The following RB1CC1 variants were observed in gnomAD, a reference collection of about 807,000 sequenced individuals.
RB1CC1 encodes RB1 inducible coiled-coil 1, also known as RB1-inducible coiled-coil protein 1.
RB1CC1 carries 46 observed loss-of-function variants against 177.5 expected under a neutral mutation model. The observed-to-expected ratio is 0.26, with a 90% confidence interval of 0.20 to 0.33. The LOEUF is 0.33. Among genes scored for constraint, RB1CC1 ranks in the 10% least tolerant of loss-of-function variants. RB1CC1 has a pLI of 1.00. For synonymous variants in RB1CC1, 666 were observed against 613.6 expected, an observed-to-expected ratio of 1.09 and a Z score of -1.26; for missense variants, 1,703 against 1,816.3, an observed-to-expected ratio of 0.94 and a Z score of 1.13.
rs374907905 is a variant in RB1CC1, at chr8:52,661,519, T to C, written c.1358+16A>G. ...AATTCTAAACATCTTAAAACAGATATAAATGAATCACTTACTTCAGTCTGA... is the reference window on the plus strand; with the variant it reads ...AATTCTAAACATCTTAAAACAGATACAAATGAATCACTTACTTCAGTCTGA... On this transcript the variant is annotated intron_variant, in intron 9 of 23. Coordinates refer to ENST00000025008, the MANE Select transcript of RB1CC1 (RefSeq NM_014781.5). 6 of 1,569,572 alleles carry C rather than the reference T, an allele frequency of 3.8e-6. No individual in the cohort carries two copies. The African/African-American group carries it at 4.1e-5, about 11-fold the overall frequency.
intron 18 of RB1CC1, among the ~76,000 whole-genome samples, chr8:52,637,682 T>A (rs1849256473): frequency 6.6e-6 from 1 of 151,942 alleles, no homozygotes; most frequent in Non-Finnish European, 1.5e-5. Context: ...TTTATTTATT[T>A]ATATATTTAT....
intron 18 of RB1CC1, 76 bp from the exon 19 acceptor site, chr8:52,636,145 T>G: frequency 6.9e-7 from 1 of 1,444,966 alleles, no homozygotes. Flanking sequence ...AATTAAAATA[T>G]TAATACAGAT....
At chr8:52,686,789 C>A (rs1368822248) in intron 2 of RB1CC1, 64 bp downstream of exon 2, 1 of 337,886 alleles carries the variant, frequency 3.0e-6, no homozygotes, top group Admixed American at 4.2e-5. Flanking sequence ...ATTAAGATTT[C>A]CAGAATCATT....
intron 15 of RB1CC1, among the ~76,000 whole-genome samples, chr8:52,648,016 A>T (rs1340840135): frequency 2.6e-5 from 4 of 152,128 alleles, no homozygotes; most frequent in South Asian, 4.1e-4. Flanking sequence ...GGTGTCCTGC[A>T]TCTTTGGATT....
chr8:52,697,465 A>T (rs1439733299), intron 1 of RB1CC1, among the ~76,000 whole-genome samples: 2 of 152,216 alleles, frequency 1.3e-5, no homozygotes, highest in Non-Finnish European at 2.9e-5. Context: ...AGGGTATCGG[A>T]TTATACTAAA....
At chr8:52,628,857 T>C (rs756942431) in intron 21 of RB1CC1, among the ~76,000 whole-genome samples, 3 of 152,220 alleles carry the variant, frequency 2.0e-5, no homozygotes, top group African/African-American at 7.2e-5. Context: ...GTAGATCCTA[T>C]ACCTAATAAA....
rs557297945 is a variant in RB1CC1 at position 52,665,227 on chromosome 8, GAACT to G, written c.1173+2790_1173+2793del. Among the ~76,000 whole-genome samples the G allele has an allele frequency of 1.6e-4, 24 of 152,164 alleles. No homozygotes were observed. The South Asian group carries it at 4.2e-3, about 26-fold the overall frequency. ...ATCTGTATGATCTATAATAGACAAA[GAACT>G]ATCTAGACAATATATGATAAATTCT... On this transcript the variant is annotated intron_variant, in intron 8 of 23. Coordinates refer to ENST00000025008, the MANE Select transcript of RB1CC1 (RefSeq NM_014781.5).
At chr8:52,697,078 T>A (rs1855483326) in intron 1 of RB1CC1, among the ~76,000 whole-genome samples, 1 of 152,156 alleles carries the variant, frequency 6.6e-6, no homozygotes, top group African/African-American at 2.4e-5. Context: ...TAATAGCGAT[T>A]CAACTGGACA....
intron 16 of RB1CC1, among the ~76,000 whole-genome samples, chr8:52,643,555 G>A (rs1413700541): frequency 1.3e-5 from 2 of 152,108 alleles, no homozygotes; most frequent in Admixed American, 6.5e-5. Flanking sequence ...TGGGTGTGGT[G>A]GCACATGCCT....
chr8:52,680,518 A>G (rs1168159045), intron 5 of RB1CC1, among the ~76,000 whole-genome samples: 1 of 151,976 alleles, frequency 6.6e-6, no homozygotes, highest in African/African-American at 2.4e-5. Context: ...AGATTGCAGA[A>G]GTAGAAGAGA....
intron 1 of RB1CC1, among the ~76,000 whole-genome samples, chr8:52,691,237 A>C (rs927798595): frequency 7.2e-5 from 11 of 152,304 alleles, no homozygotes; most frequent in Admixed American, 5.9e-4. Flanking sequence ...AAATCGTTAG[A>C]GTATAGACGA....
At chr8:52,686,363 G>C (rs550686583) in intron 2 of RB1CC1, among the ~76,000 whole-genome samples, 1 of 152,298 alleles carries the variant, frequency 6.6e-6, no homozygotes, top group African/African-American at 2.4e-5. Context: ...GGGCAACACA[G>C]CAACACCCTG....
intron 18 of RB1CC1, among the ~76,000 whole-genome samples, chr8:52,640,776 G>C (rs1849507043): frequency 6.6e-6 from 1 of 151,716 alleles, no homozygotes; most frequent in South Asian, 2.1e-4. Flanking sequence ...TTCTTGATTT[G>C]CTTTTTTGAA....
At chr8:52,627,819 T>C (rs1308316004) in intron 22 of RB1CC1, among the ~76,000 whole-genome samples, 1 of 152,194 alleles carries the variant, frequency 6.6e-6, no homozygotes, top group Non-Finnish European at 1.5e-5. Flanking sequence ...TCTGATCAAC[T>C]GGTCCCTTGT....
Position 52,635,509 on chromosome 8 carries a change from G to A in RB1CC1, c.4392+506C>T, listed in dbSNP as rs186654343. 3.9e-5 allele frequency among the ~76,000 whole-genome samples: 6 copies of A among 152,158 alleles called. No individual in the cohort carries two copies. In the East Asian group the frequency reaches 1.2e-3, roughly 29 times the overall value. ...CTATGAACAATGATCTGCCAAATGT[G>A]TACCAATTTGATCTTATAGTACCCT... is the stretch of plus-strand genomic sequence containing the variant. On this transcript the variant is annotated intron_variant, in intron 19 of 23. Transcript: ENST00000025008.
Position 52,628,013 on chromosome 8 carries a change from G to C in RB1CC1, c.4636+19C>G. ...TCCTCCATTCCAGGTTTATATTTTAGTCATGGAATGACACTTACCACCCTC... is the reference window on the plus strand; with the variant it reads ...TCCTCCATTCCAGGTTTATATTTTACTCATGGAATGACACTTACCACCCTC... On this transcript the variant is annotated intron_variant, in intron 22 of 23. Coordinates refer to ENST00000025008, the MANE Select transcript of RB1CC1 (RefSeq NM_014781.5). 1 of 1,544,030 alleles carries C rather than the reference G, an allele frequency of 6.5e-7. No individual in the cohort carries two copies. Among genetic ancestry groups the C allele is most frequent in the South Asian group, 1.3e-5 (1 of 79,920 alleles).
Position 52,661,118 on chromosome 8 carries a change from T to A in RB1CC1, c.1522A>T (p.Met508Leu). The A allele has an allele frequency of 6.2e-7, 1 of 1,613,364 alleles. No individual in the cohort carries two copies. The highest frequency in any genetic ancestry group is 1.1e-5 in the South Asian group (1 of 90,996). Residue 508 changes from methionine to leucine, a missense_variant, in exon 10 of 24, where the codon ATG (methionine) becomes TTG (leucine). By Grantham distance (15) the Met-to-Leu change is conservative (BLOSUM62 2). Transcript: ENST00000025008. The stretch of plus-strand genomic sequence containing the variant: ...ACCTCCCTGTAGTGTTTTATGAACA[T>A]TTTTCTTCTTACAACCTCAACAACA... ...LAVVEVVRRK[M>L]FIKHYREWAG...
chr8:52,666,922 A>G (rs1026571338), intron 8 of RB1CC1, among the ~76,000 whole-genome samples: 7 of 152,260 alleles, frequency 4.6e-5, no homozygotes, highest in African/African-American at 1.7e-4. Context: ...TCACTGAAAG[A>G]GAAGGAAAAG....
In RB1CC1 at chr8:52,665,544, CTAAA is replaced by C. The variant is rs1181456035; in HGVS notation, c.1173+2473_1173+2476del. On this transcript the variant is annotated intron_variant, in intron 8 of 23. Coordinates refer to ENST00000025008, the MANE Select transcript of RB1CC1 (RefSeq NM_014781.5). ...TCTAATATGGAAAAACTGAAACAAA[CTAAA>C]TAATCACCAAAAGAAGTATGGTTAA... is the stretch of plus-strand genomic sequence containing the variant. 2.6e-5 allele frequency among the ~76,000 whole-genome samples: 4 copies of C among 152,196 alleles called. No homozygotes were observed. In the East Asian group the frequency reaches 7.7e-4, roughly 29 times the overall value.
Sources: allele counts gnomAD v4.1 joint callset (sites outside exome capture counted in the v4.1 genomes callset), GRCh38; gene constraint gnomAD v4.1.1; transcripts MANE v1.5; gene names NCBI Gene and HGNC (gene_info 2026-07-23, HGNC 2026-07-21).